Variants in GRIN2B observed in about 807,000 individuals in gnomAD.
The protein encoded by GRIN2B is glutamate receptor ionotropic, NMDA 2B.
GRIN2B carries 5 observed loss-of-function variants against 114.5 expected under a neutral mutation model. That is an observed-to-expected ratio of 0.04 (90% CI 0.02 to 0.09). GRIN2B has a LOEUF of 0.09. Among genes scored for constraint, GRIN2B ranks in the 10% least tolerant of loss-of-function variants. The pLI is 1.00. For synonymous variants in GRIN2B, 787 were observed against 745.1 expected (o/e 1.06, Z -0.92); for missense variants, 1,108 against 1,943.5 (o/e 0.57, Z 8.08).
intron 3 of GRIN2B, among the ~76,000 whole-genome samples, chr12:13,851,511 T>C (rs937701980): frequency 6.6e-6 from 1 of 152,108 alleles, no homozygotes; most frequent in Non-Finnish European, 1.5e-5. Flanking sequence ...ACTGGGAAGT[T>C]TATAAAAACA....
chr12:13,767,480 A>C (rs551844157), intron 3 of GRIN2B, among the ~76,000 whole-genome samples: 44 of 152,300 alleles, frequency 2.9e-4, no homozygotes, highest in Non-Finnish European at 4.3e-4. Flanking sequence ...TATTCTTGGC[A>C]TGATGACATT....
At chr12:13,835,920 G>T (rs1865254721) in intron 3 of GRIN2B, among the ~76,000 whole-genome samples, 1 of 152,052 alleles carries the variant, frequency 6.6e-6, no homozygotes, top group Non-Finnish European at 1.5e-5. Flanking sequence ...CTATGAAGAA[G>T]AAGAAAGAAA....
intron 3 of GRIN2B, among the ~76,000 whole-genome samples, chr12:13,820,750 T>C (rs1015272968): frequency 6.6e-6 from 1 of 152,182 alleles, no homozygotes; most frequent in African/African-American, 2.4e-5. Flanking sequence ...TTTAACTATC[T>C]GAAAGGAAAT....
chr12:13,856,118 C>T lies in GRIN2B; in HGVS notation c.411+9680G>A, dbSNP rs138809200. On this transcript the variant is annotated intron_variant, in intron 3 of 13. Transcript: ENST00000609686. ...CAGGAAAGTGTGCACAGAAGAAACGCCATGAATTCTCCTATAAAGTGGACA... is the reference window on the plus strand; with the variant it reads ...CAGGAAAGTGTGCACAGAAGAAACGTCATGAATTCTCCTATAAAGTGGACA... Among the ~76,000 whole-genome samples the T allele has an allele frequency of 2.6e-5, 4 of 152,238 alleles. No individual in the cohort carries two copies. In the East Asian group the frequency reaches 7.7e-4, roughly 29 times the overall value.
chr12:13,825,019 CATT>C (rs1376184069), intron 3 of GRIN2B, among the ~76,000 whole-genome samples: 1 of 151,988 alleles, frequency 6.6e-6, no homozygotes, highest in Non-Finnish European at 1.5e-5. Flanking sequence ...AGCTTCAGAT[CATT>C]GATTGTTTAT....
At chr12:13,954,646 C>T (rs1867552713) in intron 2 of GRIN2B, among the ~76,000 whole-genome samples, 1 of 151,234 alleles carries the variant, frequency 6.6e-6, no homozygotes, top group African/African-American at 2.4e-5. Flanking sequence ...ACCATCTCTA[C>T]CATAAATATA....
At chr12:13,874,816 G>A (rs975383137) in intron 2 of GRIN2B, among the ~76,000 whole-genome samples, 19 of 152,108 alleles carry the variant, frequency 1.2e-4, no homozygotes, top group African/African-American at 4.6e-4. Context: ...ATCTCAACTG[G>A]GAAGGAGTCA....
chr12:13,749,728 C>G, intron 4 of GRIN2B, among the ~76,000 whole-genome samples: 1 of 152,144 alleles, frequency 6.6e-6, no homozygotes. Context: ...CTGAATGTGC[C>G]TAATTGATTC....
chr12:13,847,652 C>G (rs1419211009), intron 3 of GRIN2B, among the ~76,000 whole-genome samples: 1 of 151,756 alleles, frequency 6.6e-6, no homozygotes, highest in African/African-American at 2.4e-5. Context: ...CAGAGAGACA[C>G]GAACCAGAGA....
At chr12:13,577,669 A>G (rs920547458) in intron 10 of GRIN2B, among the ~76,000 whole-genome samples, 2 of 152,242 alleles carry the variant, frequency 1.3e-5, no homozygotes, top group South Asian at 2.1e-4. Flanking sequence ...CTCTTATTCA[A>G]TACCTATGTA....
chr12:13,797,076 A>G (rs1864429790), intron 3 of GRIN2B, among the ~76,000 whole-genome samples: 1 of 152,224 alleles, frequency 6.6e-6, no homozygotes, highest in Non-Finnish European at 1.5e-5. Context: ...GCTATAACAA[A>G]ATACCCATTG....
At chr12:13,690,285 C>CCACATACA (rs1555121792) in intron 4 of GRIN2B, among the ~76,000 whole-genome samples, 1 of 144,678 alleles carries the variant, frequency 6.9e-6, no homozygotes, top group Non-Finnish European at 1.5e-5. Context: ...CTATGTCACA[C>CCACATACA]CACACACACA....
intron 13 of GRIN2B, among the ~76,000 whole-genome samples, chr12:13,566,681 G>C (rs1397220827): frequency 6.6e-6 from 1 of 152,158 alleles, no homozygotes; most frequent in Non-Finnish European, 1.5e-5. Flanking sequence ...CATTTTTAAA[G>C]GATTAGACAG....
At chr12:13,959,952 G>T (rs546493966) in intron 2 of GRIN2B, among the ~76,000 whole-genome samples, 1 of 152,004 alleles carries the variant, frequency 6.6e-6, no homozygotes, top group African/African-American at 2.4e-5. Context: ...AGTGGAGGAC[G>T]GAGAAAAAAC....
intron 3 of GRIN2B, among the ~76,000 whole-genome samples, chr12:13,821,499 G>T (rs1864936520): frequency 6.6e-6 from 1 of 152,206 alleles, no homozygotes; most frequent in African/African-American, 2.4e-5. Context: ...TCTTATCAGG[G>T]TTTAGTTAAT....
chr12:13,758,151 G>C (rs1017464566), intron 3 of GRIN2B, among the ~76,000 whole-genome samples: 3 of 152,030 alleles, frequency 2.0e-5, no homozygotes. Context: ...AACTCCAAAG[G>C]GTCAGTTTAT....
intron 10 of GRIN2B, among the ~76,000 whole-genome samples, chr12:13,578,183 C>T (rs528856056): frequency 6.6e-6 from 1 of 152,236 alleles, no homozygotes; most frequent in African/African-American, 2.4e-5. Context: ...GCCTCCCATT[C>T]GGTTGACTAA....
intron 5 of GRIN2B, among the ~76,000 whole-genome samples, chr12:13,648,734 C>T (rs1364714688): frequency 1.3e-5 from 2 of 151,770 alleles, no homozygotes; most frequent in Admixed American, 1.3e-4. Flanking sequence ...GGAGTGAGGA[C>T]TTTAGAATAA....
chr12:13,866,316 T>C lies in GRIN2B; in HGVS notation c.-18-90A>G, dbSNP rs937134576. ...GCTAGATACTGCAATTCAAGGACCT[T>C]ATCTCCTTTCATTGAGCACCAAACC... On this transcript the variant is annotated intron_variant, in intron 2 of 13. Coordinates refer to ENST00000609686, the MANE Select transcript of GRIN2B (RefSeq NM_000834.5). 4.5e-6 allele frequency: 5 copies of C among 1,123,366 alleles called. No homozygotes were observed. In the African/African-American group the frequency reaches 6.1e-5, roughly 14 times the overall value. 69.6% of individuals were successfully genotyped at this position (1,123,366 alleles called of 1,614,324 possible). A position where few individuals can be genotyped will look rare whatever the true frequency, so the allele number is the denominator to read the frequency against.
Sources: gnomAD v4.1 joint callset for allele counts (sites outside exome capture counted in the v4.1 genomes callset) on GRCh38, gnomAD v4.1.1 for gene constraint, MANE v1.5 for transcripts, NCBI Gene and HGNC (gene_info 2026-07-23, HGNC 2026-07-21) for gene names.